The following FTSJ3 variants were observed in gnomAD, a reference collection of about 807,000 sequenced individuals.
FTSJ3 encodes the protein FtsJ RNA 2'-O-methyltransferase 3.
FTSJ3 carries 46 observed loss-of-function variants against 111.5 expected under a neutral mutation model. That is an observed-to-expected ratio of 0.41 (90% CI 0.33 to 0.53). FTSJ3 has a LOEUF of 0.53. Among genes scored for constraint, FTSJ3 ranks in the 20% least tolerant of loss-of-function variants. The pLI is 0.19. For synonymous variants in FTSJ3, 408 were observed against 383.0 expected (o/e 1.07, Z -0.76); for missense variants, 1,075 against 1,063.8 (o/e 1.01, Z -0.15).
In FTSJ3 at chr17:63,824,757, G is replaced by A. The variant is rs1427361764; in HGVS notation, c.817-20C>T. On this transcript the variant is annotated intron_variant, in intron 9 of 20. Transcript: ENST00000427159. ...CATGATCTGTTTGGGAGGATGGAAA[G>A]GTGTCAGGGGAGATCCTCAGGCCAT... 1.2e-6 allele frequency: 2 copies of A among 1,609,254 alleles called. No homozygotes were observed. Among genetic ancestry groups the A allele is most frequent in the Non-Finnish European group, 1.7e-6 (2 of 1,175,554 alleles).
Position 63,824,689 on chromosome 17 carries a change from C to G in FTSJ3, c.865G>C (p.Asp289His). Residue 289 changes from aspartate to histidine, a missense_variant, in exon 10 of 21, where the codon GAC becomes CAC. By Grantham distance (81) the Asp-to-His change is moderately conservative. Coordinates refer to ENST00000427159, the MANE Select transcript of FTSJ3 (RefSeq NM_017647.4). The part of the protein sequence containing the change: ...ELAQHPATTE[D>H]IRVCCQDIRV... ...ATGTCCTGACAGCACACCCGTATGTCCTCAGTGGTAGCTGGATGCTGTGCC... is the reference window on the plus strand; with the variant it reads ...ATGTCCTGACAGCACACCCGTATGTGCTCAGTGGTAGCTGGATGCTGTGCC... 6.2e-7 allele frequency: 1 copy of G among 1,614,208 alleles called. No homozygotes were observed. The highest frequency in any genetic ancestry group is 2.2e-5 in the East Asian group (1 of 44,876).
chr17:63,821,364 C>T lies in FTSJ3; in HGVS notation c.1876G>A (p.Glu626Lys), dbSNP rs765433762. 1 of 1,606,026 alleles carries T rather than the reference C, an allele frequency of 6.2e-7. No individual in the cohort carries two copies. The highest frequency in any genetic ancestry group is 1.1e-5 in the South Asian group (1 of 90,278). Residue 626 changes from glutamate (E) to lysine (K), a missense_variant, in exon 16 of 21, where the codon GAA becomes AAA. By Grantham distance (56) the Glu-to-Lys change is moderately conservative. Coordinates refer to ENST00000427159, the MANE Select transcript of FTSJ3 (RefSeq NM_017647.4). ...SDSDSSTSSE[E>K]EESWEPLRGK... is the part of the protein sequence containing the mutation. ...GCTGCAACTACTCACCTCTCTTCTT[C>T]CTCACTGCTAGTACTGCTATCACTG...
chr17:63,820,886 G>A lies in FTSJ3; in HGVS notation c.2025C>T (p.Ala675=), dbSNP rs2040043236. ...PEGLALGAVI[A]SSKKAKRDLI... The stretch of plus-strand genomic sequence containing the variant: ...GGTCTCTCTTGGCCTTTTTGGAAGA[G>A]GCAATAACAGCACCTAGAGCAAGGC... The change falls in exon 18 of 21, where the codon GCC becomes GCT. Residue 675 remains alanine (A), a synonymous_variant. Coordinates refer to ENST00000427159, the MANE Select transcript of FTSJ3 (RefSeq NM_017647.4). The A allele has an allele frequency of 6.2e-7, 1 of 1,614,188 alleles. No individual in the cohort carries two copies. Among genetic ancestry groups the A allele is most frequent in the African/African-American group, 1.3e-5 (1 of 75,038 alleles).
chr17:63,825,580 G>A lies in FTSJ3; in HGVS notation c.356C>T (p.Ala119Val). 1 of 1,614,136 alleles carries A rather than the reference G, an allele frequency of 6.2e-7. No individual in the cohort carries two copies. The highest frequency in any genetic ancestry group is 8.5e-7 in the Non-Finnish European group (1 of 1,180,020). Residue 119 changes from alanine (A) to valine (V), a missense_variant, in exon 6 of 21, where the codon GCC becomes GTC. Transcript: ENST00000427159. ...WKVDVVLNDGAPNVGASWVHD... is the reference protein window; with the variant it reads ...WKVDVVLNDGVPNVGASWVHD... ...GACCCAGCTAGCCCCAACGTTGGGG[G>A]CCCCATCATTGAGCACAACATCAAC... is the stretch of plus-strand genomic sequence containing the variant.
intron 14 of FTSJ3, 59 bp downstream of exon 14, chr17:63,821,925 C>T (rs2040055652): frequency 1.2e-6 from 2 of 1,612,208 alleles, no homozygotes; most frequent in South Asian, 1.1e-5. Flanking sequence ...TCTGGTAGTA[C>T]CCACCCTAAC....
In FTSJ3 at chr17:63,827,329, T is replaced by C. The variant is rs1247658898; in HGVS notation, c.-304A>G. 6 of 895,992 alleles carry C rather than the reference T, an allele frequency of 6.7e-6. No homozygotes were observed. The highest frequency in any genetic ancestry group is 5.0e-5 in the African/African-American group (3 of 59,880). The allele number at this position is 895,992 out of a possible 1,614,324, so 55.5% of individuals were successfully genotyped here. On this transcript the variant is annotated 5_prime_UTR_variant, in exon 1 of 21. Coordinates refer to ENST00000427159, the MANE Select transcript of FTSJ3 (RefSeq NM_017647.4). The stretch of plus-strand genomic sequence containing the variant: ...CCCTTCCAAAGCCCCTGAACTCGAG[T>C]AGCCGCCCCTCCCATCATGGTTCCC...
chr17:63,823,311 A>G (rs1228603733), intron 13 of FTSJ3, among the ~76,000 whole-genome samples: 1 of 152,138 alleles, frequency 6.6e-6, no homozygotes, highest in African/African-American at 2.4e-5. Flanking sequence ...GAATAAATCT[A>G]TCAGCCGGGC....
rs2144613137 is a variant in FTSJ3 at position 63,827,062 on chromosome 17, A to G, written c.-37T>C. On this transcript the variant is annotated 5_prime_UTR_variant, in exon 1 of 21. Coordinates refer to ENST00000427159, the MANE Select transcript of FTSJ3 (RefSeq NM_017647.4). ...CTCTCCGCACACTACCTAGACCCAG[A>G]GCCGCTTTCTCCACACTTGGAACCG... The G allele has an allele frequency of 4.3e-6, 3 of 691,982 alleles. No individual in the cohort carries two copies. Among genetic ancestry groups the G allele is most frequent in the South Asian group, 3.4e-5 (2 of 59,358 alleles). The allele number at this position is 691,982 out of a possible 1,614,324, so 42.9% of individuals were successfully genotyped here.
chr17:63,825,525 A>C lies in FTSJ3; in HGVS notation c.400+11T>G, dbSNP rs1368430764. The stretch of plus-strand genomic sequence containing the variant: ...CCATCACCTGATCTCCAAGCACCAC[A>C]CTCCCTGTACCTTGTGAGTAAGCAT... On this transcript the variant is annotated intron_variant, in intron 6 of 20. Coordinates refer to ENST00000427159, the MANE Select transcript of FTSJ3 (RefSeq NM_017647.4). The C allele has an allele frequency of 6.2e-7, 1 of 1,613,444 alleles. No individual in the cohort carries two copies. The highest frequency in any genetic ancestry group is 2.2e-5 in the East Asian group (1 of 44,848).
rs1199298373 is a variant in FTSJ3 at position 63,824,888 on chromosome 17, A to G, written c.753T>C (p.Arg251=). ...CTCGGAGGAAGTCAGTGACTGAGGT[A>G]CGGTGATAGAGAGTGAGGTCACCCT... is the stretch of plus-strand genomic sequence containing the variant. ...YAEGDLTLYH[R]TSVTDFLRAA... Residue 251 remains arginine, a synonymous_variant, in exon 9 of 21, where the codon CGT becomes CGC. Coordinates refer to ENST00000427159, the MANE Select transcript of FTSJ3 (RefSeq NM_017647.4). 6.3e-7 allele frequency: 1 copy of G among 1,597,092 alleles called. No individual in the cohort carries two copies. The highest frequency in any genetic ancestry group is 1.1e-5 in the South Asian group (1 of 87,552).
At chr17:63,823,976 A>G in intron 12 of FTSJ3, 24 bp from the exon 13 acceptor site, 1 of 1,614,126 alleles carries the variant, frequency 6.2e-7, no homozygotes, top group South Asian at 1.1e-5. Context: ...TTGAGGGAGT[A>G]AAACCGGCCC....
intron 19 of FTSJ3, 29 bp from the exon 20 acceptor site, chr17:63,820,202 T>TGGGGGGGGGGG: frequency 6.3e-6 from 10 of 1,593,092 alleles, no homozygotes; most frequent in Non-Finnish European, 6.9e-6. Context: ...GGTGACCTCT[T>TGGGGGGGGGGG]CCCCATCCCC....
In FTSJ3 at chr17:63,819,963, T is replaced by C. The variant is rs377705927; in HGVS notation, c.2383A>G (p.Lys795Glu). The part of the protein sequence containing the change: ...LYKKAGLGKE[K>E]RHVTYVVAKK... ...GCTACAACGTAGGTGACATGGCGTT[T>C]CTCCTTGCCAAGCCCAGCCTTCTTG... The change falls in exon 21 of 21, where the codon AAA becomes GAA. Residue 795 changes from lysine (K) to glutamate (E), a missense_variant. Transcript: ENST00000427159. 5 of 1,614,132 alleles carry C rather than the reference T, an allele frequency of 3.1e-6. No homozygotes were observed. The highest frequency in any genetic ancestry group is 4.2e-6 in the Non-Finnish European group (5 of 1,180,016).
chr17:63,823,862 C>G lies in FTSJ3; in HGVS notation c.1245G>C (p.Glu415Asp). The G allele has an allele frequency of 4.3e-6, 7 of 1,614,186 alleles. No homozygotes were observed. Among genetic ancestry groups the G allele is most frequent in the Admixed American group, 1.7e-5 (1 of 60,014 alleles). ...MDLPGVSIAD[E>D]GETGMFSLST... is the part of the protein sequence containing the mutation. ...TCAAGGAGAACATGCCAGTCTCCCC[C>G]TCGTCTGCAATGGAAACCCCAGGCA... Residue 415 changes from glutamate to aspartate, a missense_variant, in exon 13 of 21, where the codon GAG becomes GAC. Coordinates refer to ENST00000427159, the MANE Select transcript of FTSJ3 (RefSeq NM_017647.4).
Position 63,827,233 on chromosome 17 carries a change from G to T in FTSJ3, c.-208C>A. ...TAAGTTGAAAGTTGAGACTAGGAAG[G>T]CATATCACAAGAACTATAAACAGAG... On this transcript the variant is annotated 5_prime_UTR_variant, in exon 1 of 21. Transcript: ENST00000427159. 9.9e-6 allele frequency: 6 copies of T among 606,840 alleles called. No individual in the cohort carries two copies. Among genetic ancestry groups the T allele is most frequent in the Non-Finnish European group, 1.7e-5 (6 of 343,008 alleles). The allele number at this position is 606,840 out of a possible 1,614,324, so 37.6% of individuals were successfully genotyped here.
At chr17:63,826,452 C>T (rs988907934) in intron 3 of FTSJ3, 115 bp downstream of exon 3, 30 of 1,177,560 alleles carry the variant, frequency 2.5e-5, no homozygotes, top group Admixed American at 1.5e-4. Context: ...AGAAAGGAAA[C>T]GGCCCCCAAG....
chr17:63,823,309 C>CT lies in FTSJ3; in HGVS notation c.1290+507dup, dbSNP rs202098914. ...ATGTTCTAGTTCTTCAAGAATAAAT[C>CT]TATCAGCCGGGCGCGGTGGCTCACG... is the stretch of plus-strand genomic sequence containing the variant. On this transcript the variant is annotated intron_variant, in intron 13 of 20. Transcript: ENST00000427159. 5.4e-3 allele frequency among the ~76,000 whole-genome samples: 825 copies of CT among 152,260 alleles called. 7 individuals are homozygous for CT. The highest frequency in any genetic ancestry group is 0.019 in the African/African-American group (799 of 41,556).
chr17:63,821,793 TTC>T lies in FTSJ3; in HGVS notation c.1524_1525del (p.Asn509SerfsTer35). 6.2e-7 allele frequency: 1 copy of T among 1,614,060 alleles called. No homozygotes were observed. Among genetic ancestry groups the T allele is most frequent in the Non-Finnish European group, 8.5e-7 (1 of 1,179,976 alleles). ...TTCCTCCAGTGGTACCAGCAGTGGA[TTC>T]TCCTCCTCCTCCTCCTCTTTATCAT... is the stretch of plus-strand genomic sequence containing the variant. On this transcript the variant is annotated frameshift_variant, in exon 15 of 21. Transcript: ENST00000427159. LOFTEE classifies it high-confidence loss of function.
At chr17:63,823,672 T>C in intron 13 of FTSJ3, 145 bp downstream of exon 13, 1 of 816,464 alleles carries the variant, frequency 1.2e-6, no homozygotes, top group East Asian at 2.4e-5. Flanking sequence ...CTTTGTGGCC[T>C]TATACTCACC....
Sources: gnomAD v4.1 joint callset for allele counts (sites outside exome capture counted in the v4.1 genomes callset) on GRCh38, gnomAD v4.1.1 for gene constraint, MANE v1.5 for transcripts, NCBI Gene and HGNC (gene_info 2026-07-23, HGNC 2026-07-21) for gene names.